The following KPNA7 variants were observed in gnomAD, a reference collection of about 807,000 sequenced individuals.
KPNA7 encodes karyopherin subunit alpha 7.
A neutral mutation model predicts 53.7 loss-of-function variants in KPNA7; 54 were observed. The observed-to-expected ratio is 1.01, with a 90% CI of 0.81 to 1.26. The LOEUF (loss-of-function observed/expected upper bound fraction) is 1.26. Among genes scored for constraint, KPNA7 ranks in the 50% most tolerant of loss-of-function variants. The pLI is 0.00. For missense variants in KPNA7, 640 were observed against 644.5 expected (o/e 0.99, Z 0.07); for synonymous variants, 276 against 259.3 (o/e 1.06, Z -0.62).
the KPNA7 span, among the ~76,000 whole-genome samples, chr7:99,164,018 G>C: frequency 1.3e-5 from 2 of 151,576 alleles, no homozygotes; most frequent in African/African-American, 4.8e-5. Flanking sequence ...GGAGAAATAG[G>C]AACACTTTTA....
the KPNA7 span, among the ~76,000 whole-genome samples, chr7:99,151,277 T>C: frequency 1.3e-5 from 2 of 152,156 alleles, no homozygotes; most frequent in African/African-American, 4.8e-5. Context: ...TCTCTGAACC[T>C]AGTCCTACCT....
At chr7:99,208,249 TATTTA>T, upstream of KPNA7, among the ~76,000 whole-genome samples, 1 of 151,518 alleles carries the variant, frequency 6.6e-6, no homozygotes, top group South Asian at 2.1e-4. Context: ...ACTCACTTTT[TATTTA>T]TTTTATTTAT....
chr7:99,166,617 T>A, the KPNA7 span, among the ~76,000 whole-genome samples: 1 of 146,506 alleles, frequency 6.8e-6, no homozygotes, highest in East Asian at 2.1e-4. Flanking sequence ...GCCCGGCCTT[T>A]CTATTTTATT....
rs764100681 is a variant in KPNA7, at chr7:99,203,095, T to G, written c.201+11A>C. The G allele has an allele frequency of 3.9e-6, 6 of 1,551,624 alleles. No individual in the cohort carries two copies. Among genetic ancestry groups the G allele is most frequent in the Non-Finnish European group, 5.2e-6 (6 of 1,146,946 alleles). ...TTTTGCCCAAGACTACTCTAAACACTACATACTGACCGCCACCCCTTTGGC... is the reference window on the plus strand; with the variant it reads ...TTTTGCCCAAGACTACTCTAAACACGACATACTGACCGCCACCCCTTTGGC... On this transcript the variant is annotated intron_variant, in intron 3 of 10. Transcript: ENST00000327442.
At position 99,202,871 on chromosome 7, in the gene KPNA7, A is replaced by T. The variant is rs1162563835; in HGVS notation, c.201+235T>A. ...AAAAATAAAAATAAAAAGTATAATA[A>T]AAATCCTCTCCATCCCCCACTAGAA... is the stretch of plus-strand genomic sequence containing the variant. On this transcript the variant is annotated intron_variant, in intron 3 of 10. Transcript: ENST00000327442. Among the ~76,000 whole-genome samples, 6 of 151,964 alleles carry T rather than the reference A, an allele frequency of 3.9e-5. No individual in the cohort carries two copies. The East Asian group carries it at 9.6e-4, about 24-fold the overall frequency.
intron 1 of KPNA7, among the ~76,000 whole-genome samples, 101 bp downstream of exon 1, chr7:99,207,927 C>A (rs933277117): frequency 9.2e-5 from 14 of 152,096 alleles, no homozygotes; most frequent in East Asian, 3.9e-4. Context: ...AGCCACCGCT[C>A]CCAGCCAGCA....
Position 99,188,476 on chromosome 7 carries a change from T to C in KPNA7, c.724A>G (p.Ile242Val), listed in dbSNP as rs1373297514. The part of the protein sequence containing the change: ...PYPCDTAVKQ[I>V]LPALLHLLQH... Reference sequence around the variant, plus strand: ...AGGAGGTGAAGGAGGGCCGGCAGTATCTGCTTCACCGCAGTGTCGCAAGGG... The same window carrying C: ...AGGAGGTGAAGGAGGGCCGGCAGTACCTGCTTCACCGCAGTGTCGCAAGGG... Residue 242 changes from isoleucine (I) to valine (V), a missense_variant, in exon 7 of 11, where the codon ATA becomes GTA. Ile to Val is a conservative substitution (Grantham distance 29). Coordinates refer to ENST00000327442, the MANE Select transcript of KPNA7 (RefSeq NM_001145715.3). The C allele has an allele frequency of 3.9e-6, 6 of 1,551,546 alleles. No individual in the cohort carries two copies. The highest frequency in any genetic ancestry group is 3.9e-5 in the Admixed American group (2 of 50,958).
chr7:99,218,862 C>A (rs1166551044), intron 1 of KPNA7, among the ~76,000 whole-genome samples: 1 of 152,228 alleles, frequency 6.6e-6, no homozygotes, highest in Non-Finnish European at 1.5e-5. Flanking sequence ...TCTGATCAGC[C>A]AATACCCAGA....
chr7:99,186,712 C>T (rs1332928201), intron 7 of KPNA7, among the ~76,000 whole-genome samples: 8 of 152,064 alleles, frequency 5.3e-5, no homozygotes, highest in African/African-American at 1.7e-4. Flanking sequence ...CACCACACTC[C>T]GGCCTTGGCA....
chr7:99,209,384 G>A (rs1790982174), upstream of KPNA7, among the ~76,000 whole-genome samples: 1 of 152,012 alleles, frequency 6.6e-6, no homozygotes, highest in East Asian at 1.9e-4. Flanking sequence ...TACTGCAGTT[G>A]CCTTCCAGCT....
intron 10 of KPNA7, among the ~76,000 whole-genome samples, chr7:99,176,929 C>G (rs1026757155): frequency 1.3e-5 from 2 of 152,028 alleles, no homozygotes; most frequent in Non-Finnish European, 2.9e-5. Context: ...GCTTACACAC[C>G]CATGTTCATA....
chr7:99,167,310 C>T, the KPNA7 span, among the ~76,000 whole-genome samples: 1 of 152,196 alleles, frequency 6.6e-6, no homozygotes, highest in African/African-American at 2.4e-5. Flanking sequence ...CTAGACCAGT[C>T]CGTAGCCTGA....
chr7:99,163,758 A>C, the KPNA7 span, among the ~76,000 whole-genome samples: 5 of 152,120 alleles, frequency 3.3e-5, no homozygotes, highest in African/African-American at 1.2e-4. Flanking sequence ...AATGTTATAT[A>C]CTGTCTCTAT....
chr7:99,175,594 C>A (rs191619105), intron 10 of KPNA7, among the ~76,000 whole-genome samples: 28 of 152,092 alleles, frequency 1.8e-4, no homozygotes, highest in Admixed American at 1.8e-3. Flanking sequence ...TGGCTCACTG[C>A]AACCTCTGCT....
chr7:99,155,548 G>A, the KPNA7 span, among the ~76,000 whole-genome samples: 2 of 151,956 alleles, frequency 1.3e-5, no homozygotes, highest in African/African-American at 2.4e-5. Flanking sequence ...ACTGATGGAA[G>A]AAACAGATTT....
rs1483240104 is a variant in KPNA7, at chr7:99,188,370, C to G, written c.830G>C (p.Gly277Ala). The change falls in exon 7 of 11, where the codon GGC becomes GCC. Residue 277 changes from glycine to alanine, a missense_variant. Gly to Ala is a moderately conservative substitution (Grantham distance 60). Transcript: ENST00000327442. ...YLTDGSNKRIGQVVNTGVLPR... is the reference protein window; with the variant it reads ...YLTDGSNKRIAQVVNTGVLPR... ...CAGGACCCCCGTGTTAACCACTTGG[C>G]CGATGCGCTTGTTGGAGCCGTCGGT... 1.3e-6 allele frequency: 2 copies of G among 1,551,420 alleles called. No individual in the cohort carries two copies. Among genetic ancestry groups the G allele is most frequent in the Non-Finnish European group, 1.7e-6 (2 of 1,147,004 alleles).
chr7:99,175,167 C>A (rs1285856703), intron 10 of KPNA7, among the ~76,000 whole-genome samples: 1 of 152,084 alleles, frequency 6.6e-6, no homozygotes, highest in Non-Finnish European at 1.5e-5. Flanking sequence ...AAATGCTTAT[C>A]ACCATTATCA....
chr7:99,160,782 C>G, the KPNA7 span, among the ~76,000 whole-genome samples: 1 of 152,142 alleles, frequency 6.6e-6, no homozygotes. Flanking sequence ...CAAGATGGTT[C>G]CCAATGACCT....
the KPNA7 span, among the ~76,000 whole-genome samples, chr7:99,149,744 C>G: frequency 1.3e-5 from 2 of 152,150 alleles, no homozygotes; most frequent in African/African-American, 4.8e-5. Flanking sequence ...TGTCTAGGAT[C>G]TAGGCTTCTT....
Sources: gnomAD v4.1 joint callset for allele counts (sites outside exome capture counted in the v4.1 genomes callset) on GRCh38, gnomAD v4.1.1 for gene constraint, MANE v1.5 for transcripts, NCBI Gene and HGNC (gene_info 2026-07-23, HGNC 2026-07-21) for gene names.